The following LIMD1 variants were observed in gnomAD, a reference collection of about 807,000 sequenced individuals.
LIMD1 encodes LIM domain-containing protein 1.
A neutral mutation model predicts 58.4 loss-of-function variants in LIMD1; 23 were observed. That is an observed-to-expected ratio of 0.39 (90% CI 0.28 to 0.56). LIMD1 has a LOEUF of 0.56. Ranked by LOEUF, LIMD1 falls within the 20% of genes least tolerant of loss-of-function variation. The pLI is 0.57. For missense variants in LIMD1, 838 were observed against 855.5 expected (o/e 0.98, Z 0.25); for synonymous variants, 334 against 345.5 (o/e 0.97, Z 0.37).
chr3:45,637,571 G>A (rs146883529), intron 2 of LIMD1, among the ~76,000 whole-genome samples: 3,679 of 152,304 alleles, frequency 0.024, 58 homozygotes, highest in Non-Finnish European at 0.041. Context: ...GAGCCACTGC[G>A]CCCGCCCAAG....
In LIMD1 at chr3:45,679,776, A is replaced by C. The variant is rs911446454; in HGVS notation, c.*2717A>C. ...CTGCCTGGGTGGTTTGAGAAGAGAC[A>C]ACCCAGTTTGATCTGCAATACAAGG... On this transcript the variant is annotated 3_prime_UTR_variant, in exon 8 of 8. Transcript: ENST00000273317. The C allele has an allele frequency of 1.3e-5, 2 of 152,142 alleles. No individual in the cohort carries two copies. The highest frequency in any genetic ancestry group is 1.3e-4 in the Admixed American group (2 of 15,282). The allele number at this position is 152,142 out of a possible 1,614,324, so 9.4% of individuals were successfully genotyped here.
At chr3:45,632,446 C>T (rs1380869501) in intron 1 of LIMD1, 5 of 883,114 alleles carry the variant, frequency 5.7e-6, no homozygotes, top group African/African-American at 5.5e-5. Flanking sequence ...ACTAAGTGCA[C>T]TCTGTCTGTG....
chr3:45,595,529 C>T lies in LIMD1; in HGVS notation c.650C>T (p.Pro217Leu), dbSNP rs780143832. 1.2e-6 allele frequency: 2 copies of T among 1,614,028 alleles called. No individual in the cohort carries two copies. The highest frequency in any genetic ancestry group is 4.5e-5 in the East Asian group (2 of 44,896). ...GWPSSPGSDP[P>L]LPKPCGDHPL... ...CCTAGCTCCCCGGGGAGTGACCCAC[C>T]ACTGCCCAAACCCTGCGGGGACCAT... is the stretch of plus-strand genomic sequence containing the variant. The change falls in exon 1 of 8, where the codon CCA (proline) becomes CTA (leucine). Residue 217 changes from proline (P) to leucine (L), a missense_variant. This residue lies in a region of LIMD1 where 659 missense variants were observed against 639.8 expected (regional missense o/e 1.03). Coordinates refer to ENST00000273317, the MANE Select transcript of LIMD1 (RefSeq NM_014240.3).
At chr3:45,639,443 A>T (rs1371760656) in intron 2 of LIMD1, among the ~76,000 whole-genome samples, 1 of 152,176 alleles carries the variant, frequency 6.6e-6, no homozygotes, top group East Asian at 1.9e-4. Context: ...AAACAATAGA[A>T]ATGTATTTCT....
At chr3:45,626,647 G>A (rs1701669988) in intron 1 of LIMD1, among the ~76,000 whole-genome samples, 1 of 152,164 alleles carries the variant, frequency 6.6e-6, no homozygotes, top group African/African-American at 2.4e-5. Context: ...GTTTGCTACT[G>A]TAATAGTAGA....
At chr3:45,625,067 C>T (rs1453022154) in intron 1 of LIMD1, among the ~76,000 whole-genome samples, 2 of 151,286 alleles carry the variant, frequency 1.3e-5, no homozygotes, top group African/African-American at 2.5e-5. Flanking sequence ...CCAGTTTTGC[C>T]GTATGTTAAT....
At chr3:45,647,508 T>G (rs1412377706) in intron 2 of LIMD1, among the ~76,000 whole-genome samples, 1 of 152,152 alleles carries the variant, frequency 6.6e-6, no homozygotes, top group East Asian at 1.9e-4. Context: ...TTCCCTGTGT[T>G]CAGGGGCAGG....
intron 1 of LIMD1, among the ~76,000 whole-genome samples, chr3:45,623,801 C>G (rs193285979): frequency 6.6e-6 from 1 of 152,174 alleles, no homozygotes; most frequent in Non-Finnish European, 1.5e-5. Context: ...TCGTCCCTGG[C>G]TGTGCACTAG....
rs1415746710 is a variant in LIMD1, at chr3:45,594,969, A to G, written c.90A>G (p.Arg30=). 5.6e-6 allele frequency: 9 copies of G among 1,613,904 alleles called. No individual in the cohort carries two copies. Among genetic ancestry groups the G allele is most frequent in the Non-Finnish European group, 7.6e-6 (9 of 1,180,040 alleles). Residue 30 remains arginine, a synonymous_variant, in exon 1 of 8, where the codon CGA becomes CGG. Coordinates refer to ENST00000273317, the MANE Select transcript of LIMD1 (RefSeq NM_014240.3). ...AGGCCTCTAAGGATGGGCTCTTCCG[A>G]GTGGACAAGGGTGCAGGCAACAACC... ...MYEASKDGLF[R]VDKGAGNNPE...
intron 6 of LIMD1, 36 bp downstream of exon 6, chr3:45,673,541 C>T (rs1473090231): frequency 2.6e-6 from 4 of 1,517,846 alleles, no homozygotes; most frequent in African/African-American, 1.4e-5. Flanking sequence ...CCAGGGGCTT[C>T]TAAGACATGA....
rs10572210 is a variant in LIMD1, at chr3:45,658,535, C to CTTTTTTTTTTTTT, written c.1511-7095_1511-7083dup. 1.8e-4 allele frequency among the ~76,000 whole-genome samples: 8 copies of CTTTTTTTTTTTTT among 44,754 alleles called. 1 individual carries two copies. Among genetic ancestry groups the CTTTTTTTTTTTTT allele is most frequent in the Non-Finnish European group, 2.3e-4 (5 of 22,164 alleles). 29.4% of individuals were successfully genotyped at this position (44,754 alleles called of 152,430 possible). Reference sequence around the variant, plus strand: ...AACCATCCCCTCCACCATGCAGATTCTTTTTTTTTTTTTTTTTTTTTTTTT... The same window carrying CTTTTTTTTTTTTT: ...AACCATCCCCTCCACCATGCAGATTCTTTTTTTTTTTTTTTTTTTTTTTTTTTTTTTTTTTTTT... On this transcript the variant is annotated intron_variant, in intron 2 of 7. Coordinates refer to ENST00000273317, the MANE Select transcript of LIMD1 (RefSeq NM_014240.3).
At chr3:45,652,321 T>C (rs1163047928) in intron 2 of LIMD1, among the ~76,000 whole-genome samples, 1 of 152,250 alleles carries the variant, frequency 6.6e-6, no homozygotes, top group Non-Finnish European at 1.5e-5. Flanking sequence ...ACTTAACATT[T>C]CCAACATATT....
chr3:45,610,174 G>A (rs1440832803), intron 1 of LIMD1, among the ~76,000 whole-genome samples: 1 of 152,148 alleles, frequency 6.6e-6, no homozygotes, highest in African/African-American at 2.4e-5. Flanking sequence ...ACAGAGCAAG[G>A]CTCTGTCTCA....
At chr3:45,674,629 A>G (rs1158663903) in intron 7 of LIMD1, 2 of 491,344 alleles carry the variant, frequency 4.1e-6, no homozygotes, top group African/African-American at 1.9e-5. Context: ...ATTCAGAACT[A>G]TCAAGTCCTG....
rs1184141341 is a variant in LIMD1 at position 45,596,160 on chromosome 3, A to G, written c.1281A>G (p.Val427=). The change falls in exon 1 of 8, where the codon GTA becomes GTG. Residue 427 remains valine, a synonymous_variant. Transcript: ENST00000273317. ...TGGACAGCCCCAGCTCCCCTAGGGT[A>G]AGGCTGCCCTGCCAGCCCCTCGTCC... ...VLLDSPSSPR[V]RLPCQPLVPG... The G allele has an allele frequency of 1.2e-6, 2 of 1,613,938 alleles. No homozygotes were observed. Among genetic ancestry groups the G allele is most frequent in the Admixed American group, 3.3e-5 (2 of 59,984 alleles).
chr3:45,639,596 C>G (rs116498675), intron 2 of LIMD1, among the ~76,000 whole-genome samples: 4,604 of 152,258 alleles, frequency 0.03, 74 homozygotes, highest in Non-Finnish European at 0.041. Flanking sequence ...CATTCCTGAG[C>G]GTTCCACCTC....
chr3:45,612,768 A>G (rs1701537714), intron 1 of LIMD1: 1 of 152,246 alleles, frequency 6.6e-6, no homozygotes, highest in African/African-American at 2.4e-5. Context: ...ATGGATTCAT[A>G]TAGTATTTAT....
chr3:45,599,511 A>T (rs934517343), intron 1 of LIMD1, among the ~76,000 whole-genome samples: 9 of 152,166 alleles, frequency 5.9e-5, no homozygotes, highest in African/African-American at 1.9e-4. Context: ...TGTCTAGTCA[A>T]GTGTTCTGGG....
chr3:45,631,323 T>G (rs1020840270), intron 1 of LIMD1, among the ~76,000 whole-genome samples: 2 of 151,522 alleles, frequency 1.3e-5, no homozygotes, highest in African/African-American at 4.9e-5. Context: ...AAGAAAGAAA[T>G]CTCCAAGTCC....
Sources: gnomAD v4.1 joint callset for allele counts (sites outside exome capture counted in the v4.1 genomes callset) on GRCh38, gnomAD v4.1.1 for gene constraint, gnomAD v4.1.1 regional missense constraint, MANE v1.5 for transcripts, NCBI Gene and HGNC (gene_info 2026-07-23, HGNC 2026-07-21) for gene names.